Variants in GAS7 observed in about 807,000 individuals in gnomAD.
GAS7 encodes the protein growth arrest specific 7, also known as growth arrest-specific protein 7.
In GAS7, 28 loss-of-function variants were observed where a neutral mutation model predicts 71.1. That is an observed-to-expected ratio of 0.39 (90% confidence interval 0.29 to 0.54). GAS7 has a LOEUF of 0.54. GAS7 is among the 20% of genes least tolerant of loss of function. GAS7 has a pLI of 0.62. For synonymous variants in GAS7, 258 were observed against 245.8 expected (o/e 1.05, Z -0.46); for missense variants, 436 against 627.8 (o/e 0.69, Z 3.27).
At chr17:10,005,326 T>TACACACAC (rs543450625) in intron 2 of GAS7, among the ~76,000 whole-genome samples, 111 of 150,492 alleles carry the variant, frequency 7.4e-4, no homozygotes, top group Middle Eastern at 3.4e-3. Flanking sequence ...CACATATATA[T>TACACACAC]ATACACACAC....
In GAS7 at chr17:9,914,671, TTTATA is replaced by T. The variant is rs1359562465; in HGVS notation, c.*2552_*2556del. 3 of 218,550 alleles carry T rather than the reference TTTATA, an allele frequency of 1.4e-5. No homozygotes were observed. Among genetic ancestry groups the T allele is most frequent in the East Asian group, 6.7e-5 (1 of 14,826 alleles). The allele number at this position is 218,550 out of a possible 1,614,324, so 13.5% of individuals were successfully genotyped here. A position where few individuals can be genotyped will look rare whatever the true frequency, so the allele number is the denominator to read the frequency against. ...ACAGGTAAATGCCTCACGACGGTGG[TTTATA>T]TTATAATAAAGAATCCCAGAGGGTT... is the stretch of plus-strand genomic sequence containing the variant. On this transcript the variant is annotated 3_prime_UTR_variant, in exon 14 of 14. Transcript: ENST00000432992.
chr17:10,084,676 AG>A (rs1250310162), intron 1 of GAS7, among the ~76,000 whole-genome samples: 1 of 152,212 alleles, frequency 6.6e-6, no homozygotes, highest in African/African-American at 2.4e-5. Context: ...CATGTTGGCC[AG>A]GCTGGTCTTG....
At chr17:10,177,300 T>C (rs1276529576) in intron 1 of GAS7, among the ~76,000 whole-genome samples, 2 of 151,940 alleles carry the variant, frequency 1.3e-5, no homozygotes, top group Non-Finnish European at 2.9e-5. Context: ...AGGTGTCAGG[T>C]TGCTTCCCGC....
intron 1 of GAS7, among the ~76,000 whole-genome samples, chr17:10,129,977 G>A (rs1567603791): frequency 6.6e-6 from 1 of 151,980 alleles, no homozygotes. Context: ...TTCAAGACCA[G>A]CCTGGCCAAT....
At chr17:10,032,639 A>G (rs975884607) in intron 1 of GAS7, among the ~76,000 whole-genome samples, 6 of 152,258 alleles carry the variant, frequency 3.9e-5, no homozygotes, top group African/African-American at 1.4e-4. Context: ...ATATCAAGGC[A>G]GTTAAATGTC....
At position 10,198,406 on chromosome 17, in the gene GAS7, G is replaced by A; in HGVS notation, c.-16C>T. The A allele has an allele frequency of 1.9e-6, 3 of 1,558,878 alleles. No homozygotes were observed. Among genetic ancestry groups the A allele is most frequent in the East Asian group, 2.4e-5 (1 of 41,718 alleles). On this transcript the variant is annotated 5_prime_UTR_variant, in exon 1 of 14. Coordinates refer to ENST00000432992, the MANE Select transcript of GAS7 (RefSeq NM_201433.2). ...CGCCGGACATGGCCTTGGCGCCCGG[G>A]TTCACAGCGCAGCCTGCATTCCCGC...
Position 9,911,174 on chromosome 17 carries a change from C to G in GAS7, c.*6054G>C, listed in dbSNP as rs2152057285. ...CACAGCTGCCTGGAACCCACGACTCCCGAGAGCCCGTCTGCTGCAGGTGAT... is the reference window on the plus strand; with the variant it reads ...CACAGCTGCCTGGAACCCACGACTCGCGAGAGCCCGTCTGCTGCAGGTGAT... On this transcript the variant is annotated 3_prime_UTR_variant, in exon 14 of 14. Coordinates refer to ENST00000432992, the MANE Select transcript of GAS7 (RefSeq NM_201433.2). The surrounding 1 kb of genome is among the most constrained non-coding windows in gnomAD (Gnocchi z 4.0). The G allele has an allele frequency of 4.3e-6, 1 of 233,310 alleles. No homozygotes were observed. Among genetic ancestry groups the G allele is most frequent in the East Asian group, 6.0e-5 (1 of 16,566 alleles). 14.5% of individuals were successfully genotyped at this position (233,310 alleles called of 1,614,324 possible). A position where few individuals can be genotyped will look rare whatever the true frequency, so the allele number is the denominator to read the frequency against.
At chr17:10,046,421 GAGGCCAATGA>G (rs2072957303) in intron 1 of GAS7, among the ~76,000 whole-genome samples, 4 of 151,122 alleles carry the variant, frequency 2.6e-5, no homozygotes, top group African/African-American at 9.7e-5. Context: ...CGAGAACCAT[GAGGCCAATGA>G]AGGAAATGCA....
At chr17:9,946,531 A>T (rs1567807446) in intron 6 of GAS7, among the ~76,000 whole-genome samples, 1 of 152,188 alleles carries the variant, frequency 6.6e-6, no homozygotes, top group Non-Finnish European at 1.5e-5. Flanking sequence ...GAGGTGAAGC[A>T]CTTGTCCAAC....
intron 1 of GAS7, among the ~76,000 whole-genome samples, chr17:10,169,005 C>CAGTG (rs1273546414): frequency 1.4e-5 from 2 of 146,908 alleles, no homozygotes. Flanking sequence ...AGGCCAGGTG[C>CAGTG]AGTGGCTCAC....
chr17:10,040,595 C>A (rs1001618233), intron 1 of GAS7, among the ~76,000 whole-genome samples: 6 of 148,738 alleles, frequency 4.0e-5, no homozygotes, highest in East Asian at 4.1e-4. Flanking sequence ...CTCTCTCCCC[C>A]CTCTCACCCA....
chr17:10,145,435 A>T (rs560537242), intron 1 of GAS7, among the ~76,000 whole-genome samples: 1 of 152,340 alleles, frequency 6.6e-6, no homozygotes, highest in African/African-American at 2.4e-5. Context: ...CCAGGCGCTC[A>T]CTGTCAGAAA....
chr17:10,141,604 T>C (rs1001388008), intron 1 of GAS7, among the ~76,000 whole-genome samples: 4 of 152,064 alleles, frequency 2.6e-5, no homozygotes, highest in South Asian at 2.1e-4. Context: ...TTTCCTAAAA[T>C]GTGCAGGCCC....
intron 1 of GAS7, among the ~76,000 whole-genome samples, chr17:10,111,977 T>C (rs544168461): frequency 4.1e-4 from 63 of 152,288 alleles, no homozygotes; most frequent in African/African-American, 1.5e-3. Flanking sequence ...ATACAGCCCC[T>C]CAATATAAAT....
chr17:10,047,189 A>C (rs1387572019), intron 1 of GAS7, among the ~76,000 whole-genome samples: 6 of 152,154 alleles, frequency 3.9e-5, no homozygotes, highest in Non-Finnish European at 4.4e-5. Flanking sequence ...CACTGTTCGG[A>C]AAGGTACAGA....
chr17:10,013,070 T>A (rs2071840848), intron 2 of GAS7, among the ~76,000 whole-genome samples: 1 of 144,388 alleles, frequency 6.9e-6, no homozygotes. Context: ...GCCACTGCAC[T>A]CCAGCCTGGG....
intron 1 of GAS7, among the ~76,000 whole-genome samples, chr17:10,083,115 T>C (rs2073476503): frequency 6.6e-6 from 1 of 152,248 alleles, no homozygotes; most frequent in African/African-American, 2.4e-5. Context: ...CCTGTACGCA[T>C]GTAATAAATT....
At chr17:9,935,616 C>T (rs1352734226) in intron 8 of GAS7, among the ~76,000 whole-genome samples, 1 of 152,232 alleles carries the variant, frequency 6.6e-6, no homozygotes, top group Non-Finnish European at 1.5e-5. Context: ...CGAAGAATTG[C>T]CCAACAGTGC....
In GAS7 at chr17:9,913,133, G is replaced by A. The variant is rs1432513302; in HGVS notation, c.*4095C>T. 4.3e-6 allele frequency: 1 copy of A among 232,472 alleles called. No homozygotes were observed. The highest frequency in any genetic ancestry group is 2.2e-5 in the African/African-American group (1 of 45,290). 14.4% of individuals were successfully genotyped at this position (232,472 alleles called of 1,614,324 possible). On this transcript the variant is annotated 3_prime_UTR_variant, in exon 14 of 14. Coordinates refer to ENST00000432992, the MANE Select transcript of GAS7 (RefSeq NM_201433.2). ...GACACTAAATTTGTCAAAATTCACA[G>A]AGCTGTATATTTCCAAAGGGTGAAT...
Sources: gnomAD v4.1 joint callset for allele counts (sites outside exome capture counted in the v4.1 genomes callset) on GRCh38, gnomAD v4.1.1 for gene constraint, Gnocchi (gnomAD v3.1) non-coding constraint, MANE v1.5 for transcripts, NCBI Gene and HGNC (gene_info 2026-07-23, HGNC 2026-07-21) for gene names.